Variants in CDH12 observed in about 807,000 individuals in gnomAD.
CDH12 encodes the protein cadherin 12, also known as cadherin-12.
A neutral mutation model predicts 74.1 loss-of-function variants in CDH12; 41 were observed. That is an observed-to-expected ratio of 0.55 (90% CI 0.43 to 0.72). The LOEUF is 0.72. CDH12 is among the 30% of genes least tolerant of loss of function. The pLI is 0.00. For synonymous variants in CDH12, 399 were observed against 355.0 expected (o/e 1.12, Z -1.39); for missense variants, 945 against 977.2 (o/e 0.97, Z 0.44).
At chr5:22,204,158 GTTTGTT>G (rs1751075983) in intron 4 of CDH12, among the ~76,000 whole-genome samples, 1 of 32,742 alleles carries the variant, frequency 3.1e-5, no homozygotes, top group African/African-American at 1.0e-4. Flanking sequence ...GTTTTGTTTT[GTTTGTT>G]TTTTTTTTTT....
intron 2 of CDH12, 53 bp downstream of exon 2, chr5:22,505,217 G>T: frequency 2.1e-6 from 1 of 466,580 alleles, no homozygotes; most frequent in Non-Finnish European, 2.8e-6. Context: ...GCATTTTCAG[G>T]TATTAATTAA....
chr5:22,085,280 T>A (rs576755335), intron 4 of CDH12, among the ~76,000 whole-genome samples: 1 of 152,174 alleles, frequency 6.6e-6, no homozygotes, highest in East Asian at 1.9e-4. Context: ...CTAAAAGATA[T>A]ACAAAGGCTG....
intron 3 of CDH12, among the ~76,000 whole-genome samples, chr5:22,241,942 T>C (rs1046998960): frequency 6.6e-6 from 1 of 152,116 alleles, no homozygotes; most frequent in Admixed American, 6.5e-5. Flanking sequence ...TTAAATCATA[T>C]ATGGAAAGGT....
intron 3 of CDH12, among the ~76,000 whole-genome samples, chr5:22,349,787 T>C (rs917279840): frequency 6.6e-6 from 1 of 152,156 alleles, no homozygotes; most frequent in African/African-American, 2.4e-5. Context: ...CAGGCTGGAG[T>C]GCAGTGGCGC....
At chr5:22,523,882 T>C (rs1212264357) in intron 1 of CDH12, among the ~76,000 whole-genome samples, 1 of 152,180 alleles carries the variant, frequency 6.6e-6, no homozygotes, top group Non-Finnish European at 1.5e-5. Flanking sequence ...TCTCATTAGA[T>C]TGACTCTCTA....
intron 3 of CDH12, among the ~76,000 whole-genome samples, chr5:22,377,192 C>T (rs539818158): frequency 6.6e-6 from 1 of 152,254 alleles, no homozygotes; most frequent in South Asian, 2.1e-4. Flanking sequence ...TCTTCAGATT[C>T]TTTTAATCCT....
At chr5:22,801,661 A>C (rs996061728) in intron 1 of CDH12, among the ~76,000 whole-genome samples, 1 of 120,322 alleles carries the variant, frequency 8.3e-6, no homozygotes, top group African/African-American at 4.0e-5. Flanking sequence ...ATATATATAT[A>C]TATATATATA....
intron 4 of CDH12, among the ~76,000 whole-genome samples, chr5:22,156,705 G>T (rs1301772732): frequency 6.6e-6 from 1 of 152,096 alleles, no homozygotes; most frequent in Non-Finnish European, 1.5e-5. Flanking sequence ...GAGCACCAGA[G>T]AACTGAGACA....
At chr5:22,342,961 G>GTC (rs1739941006) in intron 3 of CDH12, among the ~76,000 whole-genome samples, 1 of 151,854 alleles carries the variant, frequency 6.6e-6, no homozygotes, top group Non-Finnish European at 1.5e-5. Context: ...GGATTCTTGT[G>GTC]TCTCTGCCTC....
chr5:22,411,325 G>A (rs1743160985), intron 2 of CDH12, among the ~76,000 whole-genome samples: 1 of 151,860 alleles, frequency 6.6e-6, no homozygotes, highest in African/African-American at 2.4e-5. Flanking sequence ...CAAGCAGATA[G>A]GAATCATCAT....
At chr5:22,088,653 G>A (rs1005912103) in intron 4 of CDH12, among the ~76,000 whole-genome samples, 2 of 152,124 alleles carry the variant, frequency 1.3e-5, no homozygotes, top group African/African-American at 4.8e-5. Flanking sequence ...GTCTCAGGGG[G>A]CATACTTTAT....
chr5:22,364,594 T>G (rs1740954464), intron 3 of CDH12, among the ~76,000 whole-genome samples: 1 of 152,124 alleles, frequency 6.6e-6, no homozygotes, highest in Admixed American at 6.6e-5. Flanking sequence ...TGGATCAAAG[T>G]ATGGAACATT....
At chr5:21,905,957 T>A (rs1753623195) in intron 6 of CDH12, among the ~76,000 whole-genome samples, 1 of 152,258 alleles carries the variant, frequency 6.6e-6, no homozygotes, top group Non-Finnish European at 1.5e-5. Flanking sequence ...GTCTGGTTAA[T>A]AGTAAGTGCT....
intron 1 of CDH12, among the ~76,000 whole-genome samples, chr5:22,585,073 C>T (rs960708823): frequency 2.0e-5 from 3 of 152,192 alleles, no homozygotes; most frequent in African/African-American, 7.2e-5. Context: ...TATAATTTTA[C>T]TTGCCTAAAT....
intron 1 of CDH12, among the ~76,000 whole-genome samples, chr5:22,743,668 T>A (rs1358772747): frequency 1.3e-5 from 2 of 152,184 alleles, no homozygotes; most frequent in Admixed American, 6.5e-5. Context: ...AAATATTAAC[T>A]TTTATGACTT....
intron 4 of CDH12, among the ~76,000 whole-genome samples, chr5:22,201,813 G>A (rs1370144125): frequency 6.6e-6 from 1 of 152,126 alleles, no homozygotes; most frequent in Admixed American, 6.5e-5. Flanking sequence ...ATTATCTTGT[G>A]TAGAAAAGGA....
chr5:22,591,014 G>T (rs1320459643), intron 1 of CDH12, among the ~76,000 whole-genome samples: 1 of 152,104 alleles, frequency 6.6e-6, no homozygotes, highest in East Asian at 1.9e-4. Context: ...ATGTGCGCCT[G>T]TAACTCCCAT....
At chr5:22,518,929 G>A (rs1736925217) in intron 1 of CDH12, among the ~76,000 whole-genome samples, 1 of 152,154 alleles carries the variant, frequency 6.6e-6, no homozygotes. Flanking sequence ...GACAGGCTTA[G>A]TCATCCCTGT....
chr5:22,090,606 TACAC>T (rs59054021), intron 4 of CDH12, among the ~76,000 whole-genome samples: 2 of 147,646 alleles, frequency 1.4e-5, no homozygotes, highest in African/African-American at 4.9e-5. Flanking sequence ...CATACATACA[TACAC>T]ACACACACAC....
Sources: allele counts gnomAD v4.1 joint callset (sites outside exome capture counted in the v4.1 genomes callset), GRCh38; gene constraint gnomAD v4.1.1; transcripts MANE v1.5; gene names NCBI Gene and HGNC (gene_info 2026-07-23, HGNC 2026-07-21).